ERAP2: variants seen among roughly 807,000 people sequenced by gnomAD.
ERAP2 encodes leukocyte-derived arginine aminopeptidase.
Under a neutral mutation model 111.1 loss-of-function variants are expected in ERAP2, and 118 were observed. That is an observed-to-expected ratio of 1.06 (90% CI 0.92 to 1.24). ERAP2 has a LOEUF of 1.24. Among genes scored for constraint, ERAP2 ranks in the 50% most tolerant of loss-of-function variants. ERAP2 has a pLI of 0.00. For missense variants in ERAP2, 1,131 were observed against 1,125.8 expected, an observed-to-expected ratio of 1.00 and a Z score of -0.07; for synonymous variants, 410 against 401.2, an observed-to-expected ratio of 1.02 and a Z score of -0.26.
chr5:96,909,116 AG>A lies in ERAP2; in HGVS notation c.2169+1del. ...RNISDISENL[K>X]RYLLQYFKPV... ...ATTTCAGATATCTCTGAAAACCTCA[AG>A]GTTTGTGTTGCTTTTAGAAAATGTA... On this transcript the variant is annotated frameshift_variant and splice_region_variant, in exon 14 of 19. Transcript: ENST00000437043. LOFTEE classifies it high-confidence loss of function. 1 of 1,613,892 alleles carries A rather than the reference AG, an allele frequency of 6.2e-7. No individual in the cohort carries two copies. The highest frequency in any genetic ancestry group is 1.3e-5 in the African/African-American group (1 of 75,040).
At chr5:96,903,354 C>G (rs773878670) in intron 12 of ERAP2, 23 bp from the exon 13 acceptor site, 3 of 1,572,160 alleles carry the variant, frequency 1.9e-6, no homozygotes, top group Non-Finnish European at 2.6e-6. Context: ...AATAAAATGC[C>G]TATGCCAATC....
At chr5:96,897,472 A>G (rs888049619) in intron 9 of ERAP2, among the ~76,000 whole-genome samples, 4 of 152,168 alleles carry the variant, frequency 2.6e-5, no homozygotes, top group African/African-American at 7.2e-5. Flanking sequence ...GTTCCACATA[A>G]TAGTACCCTC....
intron 2 of ERAP2, chr5:96,881,228 G>C (rs778549862): frequency 5.3e-5 from 19 of 357,966 alleles, no homozygotes; most frequent in Non-Finnish European, 1.0e-4. Flanking sequence ...TCTATGTTGA[G>C]GGTATGTTAT....
At chr5:96,908,857 G>C in intron 13 of ERAP2, 104 bp from the exon 14 acceptor site, 1 of 1,198,890 alleles carries the variant, frequency 8.3e-7, no homozygotes. Context: ...CAGCTATAAT[G>C]ACCTACTTCT....
chr5:96,914,619 C>A (rs1408400139), intron 17 of ERAP2, among the ~76,000 whole-genome samples: 1 of 152,168 alleles, frequency 6.6e-6, no homozygotes, highest in Non-Finnish European at 1.5e-5. Flanking sequence ...ATGTGCAGAG[C>A]CTAGACTTGG....
intron 4 of ERAP2, among the ~76,000 whole-genome samples, chr5:96,888,256 C>A (rs1448763263): frequency 6.6e-6 from 1 of 152,132 alleles, no homozygotes; most frequent in African/African-American, 2.4e-5. Flanking sequence ...CACACATACA[C>A]ATCATGGCAC....
In ERAP2 at chr5:96,880,047, C is replaced by T. The variant is rs1782974826; in HGVS notation, c.362C>T (p.Thr121Ile). The change falls in exon 2 of 19, where the codon ACC becomes ATC. Residue 121 changes from threonine (T) to isoleucine (I), a missense_variant. Coordinates refer to ENST00000437043, the MANE Select transcript of ERAP2 (RefSeq NM_022350.5). ...AAAGATCTTGAAATCACGAATGCCA[C>T]CCTTCAGTCAGAGGAAGATTCAAGA... ...HSKDLEITNA[T>I]LQSEEDSRYM... The T allele has an allele frequency of 6.2e-7, 1 of 1,614,132 alleles. No individual in the cohort carries two copies. Among genetic ancestry groups the T allele is most frequent in the Admixed American group, 1.7e-5 (1 of 60,016 alleles).
chr5:96,879,576 T>A lies in ERAP2; in HGVS notation c.-110T>A. 1.4e-6 allele frequency: 1 copy of A among 728,348 alleles called. No homozygotes were observed. Among genetic ancestry groups the A allele is most frequent in the Non-Finnish European group, 2.3e-6 (1 of 440,870 alleles). 45.1% of individuals were successfully genotyped at this position (728,348 alleles called of 1,614,324 possible). ...TTTTTTCTTCTAGATTAAATTCATGTATTGAAAATATTGTTCAGACCCCAT... is the reference window on the plus strand; with the variant it reads ...TTTTTTCTTCTAGATTAAATTCATGAATTGAAAATATTGTTCAGACCCCAT... On this transcript the variant is annotated 5_prime_UTR_variant, in exon 2 of 19. Coordinates refer to ENST00000437043, the MANE Select transcript of ERAP2 (RefSeq NM_022350.5).
At position 96,885,133 on chromosome 5, in the gene ERAP2, C is replaced by T. The variant is rs141190948; in HGVS notation, c.714+1203C>T. Among the ~76,000 whole-genome samples, 21 of 152,296 alleles carry T rather than the reference C, an allele frequency of 1.4e-4. No homozygotes were observed. The South Asian group carries it at 3.9e-3, about 29-fold the overall frequency. ...ACCATAGCAAACGCCCATTTGCCTC[C>T]GAACCATCTCTGCCACCAGCCTTCT... On this transcript the variant is annotated intron_variant, in intron 3 of 18. Coordinates refer to ENST00000437043, the MANE Select transcript of ERAP2 (RefSeq NM_022350.5).
At position 96,913,280 on chromosome 5, in the gene ERAP2, C is replaced by T. The variant is rs773825508; in HGVS notation, c.2517-37C>T. On this transcript the variant is annotated intron_variant, in intron 16 of 18. Transcript: ENST00000437043. ...TGAGTTAATGTCCATGTACATAATA[C>T]CTACTATTTAGAAACAAATTATTTT... The T allele has an allele frequency of 1.2e-5, 19 of 1,565,030 alleles. 1 individual carries two copies. In the South Asian group the frequency reaches 2.0e-4, roughly 17 times the overall value.
chr5:96,912,860 T>C lies in ERAP2; in HGVS notation c.2516+62T>C, dbSNP rs1049907799. On this transcript the variant is annotated intron_variant, in intron 16 of 18. Transcript: ENST00000437043. Reference sequence around the variant, plus strand: ...ACTGACACAAATTCAGTGAAGTCACTAAAACTTCAGCCACCAGTTTTAAAG... The same window carrying C: ...ACTGACACAAATTCAGTGAAGTCACCAAAACTTCAGCCACCAGTTTTAAAG... 1.6e-5 allele frequency: 23 copies of C among 1,396,444 alleles called. No homozygotes were observed. In the African/African-American group the frequency reaches 2.8e-4, roughly 17 times the overall value. 86.5% of individuals were successfully genotyped at this position (1,396,444 alleles called of 1,614,324 possible). A position where few individuals can be genotyped will look rare whatever the true frequency, so the allele number is the denominator to read the frequency against.
At chr5:96,887,302 A>C (rs1321773526) in intron 4 of ERAP2, among the ~76,000 whole-genome samples, 1 of 118,658 alleles carries the variant, frequency 8.4e-6, no homozygotes, top group African/African-American at 3.2e-5. Context: ...GTTGTTTCCG[A>C]CTTTTTTTTT....
Position 96,879,653 on chromosome 5 carries a change from G to T in ERAP2, c.-33G>T. On this transcript the variant is annotated 5_prime_UTR_variant, in exon 2 of 19. Transcript: ENST00000437043. Reference sequence around the variant, plus strand: ...CCATGAAGAACTACGAGATTAGCCTGGATATTAACTTGTCTTCTAGAGAAT... The same window carrying T: ...CCATGAAGAACTACGAGATTAGCCTTGATATTAACTTGTCTTCTAGAGAAT... 1 of 1,581,070 alleles carries T rather than the reference G, an allele frequency of 6.3e-7. No individual in the cohort carries two copies. Among genetic ancestry groups the T allele is most frequent in the Non-Finnish European group, 8.7e-7 (1 of 1,152,158 alleles).
Position 96,919,348 on chromosome 5 carries a change from G to A in ERAP2, c.*1743G>A, listed in dbSNP as rs922736810. The A allele has an allele frequency of 1.3e-5, 2 of 152,198 alleles. No individual in the cohort carries two copies. The highest frequency in any genetic ancestry group is 6.5e-5 in the Admixed American group (1 of 15,268). 9.4% of individuals were successfully genotyped at this position (152,198 alleles called of 1,614,324 possible). A position where few individuals can be genotyped will look rare whatever the true frequency, so the allele number is the denominator to read the frequency against. ...TTGACTCTAACTTTGACTTGGTGGT[G>A]GACCTTCCTTGGTTTTTATAACACC... On this transcript the variant is annotated 3_prime_UTR_variant, in exon 19 of 19. Coordinates refer to ENST00000437043, the MANE Select transcript of ERAP2 (RefSeq NM_022350.5).
chr5:96,895,453 A>AACAT, intron 7 of ERAP2, 94 bp downstream of exon 7: 4 of 905,758 alleles, frequency 4.4e-6, no homozygotes, highest in Non-Finnish European at 5.2e-6. Flanking sequence ...GAAAAACTAC[A>AACAT]TAATGTTGTG....
At chr5:96,881,144 T>G in intron 2 of ERAP2, 2 of 310,492 alleles carry the variant, frequency 6.4e-6, no homozygotes, top group South Asian at 2.6e-5. Flanking sequence ...TTGTAAGGAG[T>G]TTTGACTTTA....
intron 5 of ERAP2, among the ~76,000 whole-genome samples, chr5:96,891,359 A>G (rs201160048): frequency 2.3e-4 from 22 of 94,408 alleles, no homozygotes; most frequent in Admixed American, 1.1e-3. Context: ...ATGTGTGTGT[A>G]TATATATATG....
At position 96,912,808 on chromosome 5, in the gene ERAP2, A is replaced by G; in HGVS notation, c.2516+10A>G. On this transcript the variant is annotated intron_variant, in intron 16 of 18. Transcript: ENST00000437043. ...AGGAAAAGTTACTGAAGTAAGTTCAATAATTTAACTAAATTGTTATAAGTA... is the reference window on the plus strand; with the variant it reads ...AGGAAAAGTTACTGAAGTAAGTTCAGTAATTTAACTAAATTGTTATAAGTA... The G allele has an allele frequency of 6.3e-7, 1 of 1,582,976 alleles. No individual in the cohort carries two copies.
intron 15 of ERAP2, among the ~76,000 whole-genome samples, chr5:96,912,188 C>CAAAAAAA (rs1266993157): frequency 1.2e-5 from 1 of 84,236 alleles, no homozygotes; most frequent in African/African-American, 4.7e-5. Context: ...GACTCCACCT[C>CAAAAAAA]AAAAAAAAAA....
Sources: gnomAD v4.1 joint callset for allele counts (sites outside exome capture counted in the v4.1 genomes callset) on GRCh38, gnomAD v4.1.1 for gene constraint, MANE v1.5 for transcripts, NCBI Gene and HGNC (gene_info 2026-07-23, HGNC 2026-07-21) for gene names.